The following RABGAP1L variants were observed in gnomAD, a reference collection of about 807,000 sequenced individuals.
The protein encoded by RABGAP1L is RAB GTPase activating protein 1 like, also known as rab GTPase-activating protein 1-like.
In RABGAP1L, 63 loss-of-function variants were observed where a neutral mutation model predicts 137.7. The ratio of observed to expected loss-of-function variants is 0.46; its 90% CI spans 0.37 to 0.56. The LOEUF is 0.56. Ranked by LOEUF, RABGAP1L falls within the 20% of genes least tolerant of loss-of-function variation. The probability of loss-of-function intolerance (pLI) is 0.00; values close to 1 mark genes in which losing one functional copy is unlikely to be tolerated. For synonymous variants in RABGAP1L, 431 were observed against 433.7 expected, an observed-to-expected ratio of 0.99 and a Z score of 0.08; for missense variants, 1,095 against 1,244.0, an observed-to-expected ratio of 0.88 and a Z score of 1.80.
intron 13 of RABGAP1L, among the ~76,000 whole-genome samples, chr1:174,418,285 G>C (rs1479370490): frequency 6.6e-6 from 1 of 152,306 alleles, no homozygotes; most frequent in South Asian, 2.1e-4. Context: ...CAATGAGGTA[G>C]TAGATATTAT....
At position 174,869,476 on chromosome 1, in the gene RABGAP1L, C is replaced by T. The variant is rs531767927; in HGVS notation, c.2340+57516C>T. Among the ~76,000 whole-genome samples the T allele has an allele frequency of 3.9e-5, 6 of 152,250 alleles. No homozygotes were observed. The South Asian group carries it at 6.2e-4, about 16-fold the overall frequency. The stretch of plus-strand genomic sequence containing the variant: ...AGGTCCTTGCTTCCCCTTCACCTTC[C>T]GCCATGATTGTAAGTTTCCCAAGGC... On this transcript the variant is annotated intron_variant, in intron 19 of 25. Transcript: ENST00000681986.
intron 13 of RABGAP1L, among the ~76,000 whole-genome samples, chr1:174,509,918 A>G (rs1350538306): frequency 6.6e-6 from 1 of 152,062 alleles, no homozygotes; most frequent in Non-Finnish European, 1.5e-5. Flanking sequence ...CATCAAATTC[A>G]TCTCCTTCAT....
At chr1:174,491,298 C>T (rs1660205426) in intron 13 of RABGAP1L, among the ~76,000 whole-genome samples, 1 of 151,936 alleles carries the variant, frequency 6.6e-6, no homozygotes, top group Non-Finnish European at 1.5e-5. Context: ...TGGGATCTGC[C>T]ATGACTGGGT....
At chr1:174,838,389 T>A (rs766360104) in intron 19 of RABGAP1L, among the ~76,000 whole-genome samples, 2 of 152,172 alleles carry the variant, frequency 1.3e-5, no homozygotes, top group Admixed American at 6.5e-5. Flanking sequence ...TAGATACATA[T>A]AGATGGCCAT....
At chr1:174,648,501 T>C (rs1411137580) in intron 14 of RABGAP1L, among the ~76,000 whole-genome samples, 1 of 152,210 alleles carries the variant, frequency 6.6e-6, no homozygotes, top group East Asian at 1.9e-4. Flanking sequence ...AGTTTCCATG[T>C]AGTTGTGCAA....
At chr1:174,523,401 G>T (rs1220106653) in intron 13 of RABGAP1L, among the ~76,000 whole-genome samples, 2 of 151,982 alleles carry the variant, frequency 1.3e-5, no homozygotes, top group East Asian at 1.9e-4. Context: ...ACTATGCAGG[G>T]AAGAGGGAAA....
chr1:174,245,544 T>TAATG (rs1274800024), intron 5 of RABGAP1L: 2 of 152,228 alleles, frequency 1.3e-5, no homozygotes. Flanking sequence ...TTCCCATGAA[T>TAATG]AATGTATTTG....
At chr1:174,232,553 G>C (rs1003787700) in intron 4 of RABGAP1L, among the ~76,000 whole-genome samples, 1 of 151,810 alleles carries the variant, frequency 6.6e-6, no homozygotes, top group Non-Finnish European at 1.5e-5. Flanking sequence ...GAAGGCCGAG[G>C]TGGGTGGATC....
chr1:174,800,569 T>C lies in RABGAP1L; in HGVS notation c.2212-11263T>C, dbSNP rs1038215791. On this transcript the variant is annotated intron_variant, in intron 18 of 25. Transcript: ENST00000681986. ...ATCCTCTGTGAAAATTCCTTGTATCTCTGAAAGAGGCTTGTTGTCTCTGGT... is the reference window on the plus strand; with the variant it reads ...ATCCTCTGTGAAAATTCCTTGTATCCCTGAAAGAGGCTTGTTGTCTCTGGT... 5 of 1,507,576 alleles carry C rather than the reference T, an allele frequency of 3.3e-6. No homozygotes were observed. In the African/African-American group the frequency reaches 7.0e-5, roughly 21 times the overall value. The allele number at this position is 1,507,576 out of a possible 1,614,324, so 93.4% of individuals were successfully genotyped here.
intron 16 of RABGAP1L, chr1:174,701,090 T>C: frequency 7.7e-7 from 1 of 1,304,206 alleles, no homozygotes; most frequent in Non-Finnish European, 1.0e-6. Context: ...TTTATTCTTC[T>C]TTTTGTGGTC....
chr1:174,171,886 A>C (rs1483339465), intron 1 of RABGAP1L, among the ~76,000 whole-genome samples: 2 of 152,068 alleles, frequency 1.3e-5, no homozygotes, highest in Admixed American at 6.6e-5. Context: ...CTGTAATCCC[A>C]GCTATTTAGG....
At chr1:174,380,942 C>A (rs1182872415) in intron 12 of RABGAP1L, among the ~76,000 whole-genome samples, 2 of 125,200 alleles carry the variant, frequency 1.6e-5, no homozygotes, top group African/African-American at 6.3e-5. Context: ...ATAAATTTCC[C>A]TCTACACACT....
chr1:174,672,185 C>T (rs1275886610), intron 14 of RABGAP1L, among the ~76,000 whole-genome samples: 1 of 150,764 alleles, frequency 6.6e-6, no homozygotes, highest in Non-Finnish European at 1.5e-5. Flanking sequence ...CCTTTTTTAT[C>T]TCTGATTTTG....
At chr1:174,656,223 A>G (rs1675960380) in intron 14 of RABGAP1L, among the ~76,000 whole-genome samples, 2 of 152,190 alleles carry the variant, frequency 1.3e-5, no homozygotes, top group African/African-American at 2.4e-5. Context: ...TTGGGAGGCC[A>G]CGGCGGGTGG....
chr1:174,677,401 G>A (rs956130579), intron 14 of RABGAP1L, among the ~76,000 whole-genome samples: 1 of 152,190 alleles, frequency 6.6e-6, no homozygotes, highest in Non-Finnish European at 1.5e-5. Context: ...TTGAGTGTAT[G>A]TATAGCATAA....
chr1:174,931,011 AT>A (rs557786913), intron 19 of RABGAP1L, among the ~76,000 whole-genome samples: 1 of 151,524 alleles, frequency 6.6e-6, no homozygotes, highest in Non-Finnish European at 1.5e-5. Context: ...ATGTAGTGGG[AT>A]TTTTTTTTGT....
At chr1:174,599,011 C>T (rs1557883974) in intron 13 of RABGAP1L, among the ~76,000 whole-genome samples, 1 of 151,980 alleles carries the variant, frequency 6.6e-6, no homozygotes, top group Non-Finnish European at 1.5e-5. Context: ...CTCTCCTTCC[C>T]TTCCTTCCTT....
chr1:174,985,241 A>G (rs913252480), intron 24 of RABGAP1L, among the ~76,000 whole-genome samples: 4 of 152,146 alleles, frequency 2.6e-5, no homozygotes, highest in Non-Finnish European at 5.9e-5. Context: ...AAAAATACAA[A>G]AATTAGCCGG....
chr1:174,599,587 T>C (rs1670261461), intron 13 of RABGAP1L, among the ~76,000 whole-genome samples: 1 of 152,222 alleles, frequency 6.6e-6, no homozygotes, highest in South Asian at 2.1e-4. Flanking sequence ...TTCTGCATAT[T>C]TGAAGTATAT....
Sources: gnomAD v4.1 joint callset for allele counts (sites outside exome capture counted in the v4.1 genomes callset) on GRCh38, gnomAD v4.1.1 for gene constraint, MANE v1.5 for transcripts, NCBI Gene and HGNC (gene_info 2026-07-23, HGNC 2026-07-21) for gene names.